Variants in NRIP1 observed in about 807,000 individuals in gnomAD.
NRIP1 encodes nuclear receptor-interacting protein 1.
A neutral mutation model predicts 75.0 loss-of-function variants in NRIP1; 28 were observed. The observed-to-expected ratio is 0.37, with a 90% CI of 0.28 to 0.51. The LOEUF (loss-of-function observed/expected upper bound fraction) is 0.51, where lower values mean the gene tolerates loss of function less well. Ranked by LOEUF, NRIP1 falls within the 20% of genes least tolerant of loss-of-function variation. The pLI, the probability that NRIP1 is intolerant of heterozygous loss-of-function variation, is 0.92. For missense variants in NRIP1, 1,435 were observed against 1,343.7 expected, an observed-to-expected ratio of 1.07 and a Z score of -1.06; for synonymous variants, 526 against 487.6, an observed-to-expected ratio of 1.08 and a Z score of -1.04.
chr21:14,969,882 A>G (rs773808679), intron 3 of NRIP1, among the ~76,000 whole-genome samples: 16 of 152,194 alleles, frequency 1.1e-4, no homozygotes, highest in Non-Finnish European at 1.9e-4. Context: ...CTGTGTAAGG[A>G]GTAGGATGAG....
intron 3 of NRIP1, among the ~76,000 whole-genome samples, chr21:14,972,816 C>T (rs1381047897): frequency 6.6e-6 from 1 of 152,150 alleles, no homozygotes; most frequent in East Asian, 1.9e-4. Flanking sequence ...AGATCCCTCA[C>T]ATGTGCAGTT....
intron 3 of NRIP1, among the ~76,000 whole-genome samples, chr21:14,985,410 G>C (rs1420566143): frequency 6.6e-6 from 1 of 152,142 alleles, no homozygotes; most frequent in Non-Finnish European, 1.5e-5. Flanking sequence ...CCTACAGAGA[G>C]TTCTGTGGGT....
intron 2 of NRIP1, among the ~76,000 whole-genome samples, chr21:15,037,036 CA>C (rs1600908371): frequency 6.6e-6 from 1 of 151,918 alleles, no homozygotes; most frequent in African/African-American, 2.4e-5. Flanking sequence ...AAATAATAAG[CA>C]AAATTTAAGC....
rs2086803283 is a variant in NRIP1 at position 14,967,971 on chromosome 21, C to T, written c.222G>A (p.Gln74=). The T allele has an allele frequency of 6.2e-7, 1 of 1,613,836 alleles. No individual in the cohort carries two copies. Among genetic ancestry groups the T allele is most frequent in the African/African-American group, 1.3e-5 (1 of 74,916 alleles). The change falls in exon 4 of 4, where the codon CAG becomes CAA. Residue 74 remains glutamine, a synonymous_variant. Transcript: ENST00000318948. ...NGPVLNTHTY[Q]GSGMLHLKKA... ...TTTTGAGGTGCAGCATGCCAGACCC[C>T]TGATATGTATGTGTATTGAGAACTG... is the stretch of plus-strand genomic sequence containing the variant.
chr21:15,008,386 G>A (rs925104313), intron 3 of NRIP1, among the ~76,000 whole-genome samples: 23 of 152,134 alleles, frequency 1.5e-4, no homozygotes, highest in Non-Finnish European at 3.2e-4. Context: ...TCTAGAGTTG[G>A]GCGAATCACC....
intron 2 of NRIP1, among the ~76,000 whole-genome samples, chr21:15,021,494 A>C (rs772345445): frequency 2.0e-5 from 3 of 152,218 alleles, no homozygotes; most frequent in Non-Finnish European, 4.4e-5. Flanking sequence ...TGGCTGCAAC[A>C]TCTGAGTGCA....
intron 1 of NRIP1, chr21:15,050,678 GTA>G (rs2089181766): frequency 2.2e-6 from 1 of 455,158 alleles, no homozygotes; most frequent in Admixed American, 2.4e-5. Context: ...ACATATGTGT[GTA>G]TTGTTTATGT....
chr21:14,982,003 C>A (rs1432748395), intron 3 of NRIP1, among the ~76,000 whole-genome samples: 1 of 152,022 alleles, frequency 6.6e-6, no homozygotes. Flanking sequence ...CAGGCACACA[C>A]CACCATGCCT....
At chr21:14,968,893 G>A (rs1273112822) in intron 3 of NRIP1, among the ~76,000 whole-genome samples, 2 of 152,088 alleles carry the variant, frequency 1.3e-5, no homozygotes, top group Non-Finnish European at 2.9e-5. Context: ...GCTCTACAGG[G>A]GAACTAGAAC....
chr21:14,998,621 T>A (rs561815232), intron 3 of NRIP1, among the ~76,000 whole-genome samples: 21 of 152,338 alleles, frequency 1.4e-4, no homozygotes, highest in Middle Eastern at 6.8e-3. Context: ...CTTCCATTTC[T>A]GCCAATCCTG....
rs2086800434 is a variant in NRIP1, at chr21:14,967,902, C to T, written c.291G>A (p.Lys97=). Residue 97 remains lysine, a synonymous_variant, in exon 4 of 4, where the codon AAG becomes AAA. Coordinates refer to ENST00000318948, the MANE Select transcript of NRIP1 (RefSeq NM_003489.4). ...TGATAGAATCAGACAGCCTCTTCCG[C>T]TTTGCTGCATTCCAGTCCTCAGAAG... is the stretch of plus-strand genomic sequence containing the variant. ...LQSSEDWNAA[K]RKRLSDSIMN... is the part of the protein sequence containing the mutation. The T allele has an allele frequency of 4.3e-6, 7 of 1,614,020 alleles. No individual in the cohort carries two copies. The highest frequency in any genetic ancestry group is 5.9e-6 in the Non-Finnish European group (7 of 1,180,028).
At chr21:14,983,054 T>G (rs1472688598) in intron 3 of NRIP1, among the ~76,000 whole-genome samples, 2 of 152,096 alleles carry the variant, frequency 1.3e-5, no homozygotes, top group South Asian at 4.1e-4. Flanking sequence ...ATATTGAAAT[T>G]AGATCAATTA....
chr21:14,982,366 T>TC (rs2087260845), intron 3 of NRIP1, among the ~76,000 whole-genome samples: 1 of 152,182 alleles, frequency 6.6e-6, no homozygotes, highest in African/African-American at 2.4e-5. Flanking sequence ...AACCTTCTGC[T>TC]TAGTGCCCTT....
intron 3 of NRIP1, among the ~76,000 whole-genome samples, chr21:14,977,561 T>A (rs1282173493): frequency 7.5e-6 from 1 of 133,300 alleles, no homozygotes; most frequent in Non-Finnish European, 1.7e-5. Flanking sequence ...CAACAGTGAA[T>A]CCTCTATTAT....
rs548951270 is a variant in NRIP1, at chr21:15,012,546, C to T, written c.-335+1798G>A. Among the ~76,000 whole-genome samples the T allele has an allele frequency of 9.6e-5, 14 of 145,980 alleles. 1 individual carries two copies. The South Asian group carries it at 2.8e-3, about 29-fold the overall frequency. On this transcript the variant is annotated intron_variant, in intron 3 of 3. Transcript: ENST00000318948. ...CTTGGCTCACTGCAACCCCGACTGC[C>T]GACTTAAGTGATTCTCCTGCCTCAG...
intron 3 of NRIP1, among the ~76,000 whole-genome samples, chr21:15,006,117 A>G (rs1292488053): frequency 6.6e-6 from 1 of 152,338 alleles, no homozygotes; most frequent in Middle Eastern, 3.4e-3. Context: ...GGAAAATTAC[A>G]TTATAGCATG....
At chr21:15,063,130 CA>C (rs905959203) in intron 1 of NRIP1, among the ~76,000 whole-genome samples, 1 of 152,078 alleles carries the variant, frequency 6.6e-6, no homozygotes, top group African/African-American at 2.4e-5. Context: ...CAGACTAGAA[CA>C]ACCAATCCTA....
chr21:14,999,779 G>T (rs989565209), intron 3 of NRIP1, among the ~76,000 whole-genome samples: 2 of 152,136 alleles, frequency 1.3e-5, no homozygotes. Context: ...TGAACTTAGG[G>T]AAGTATCACC....
At chr21:15,045,344 C>T (rs563479149) in intron 1 of NRIP1, among the ~76,000 whole-genome samples, 4 of 152,276 alleles carry the variant, frequency 2.6e-5, no homozygotes, top group Non-Finnish European at 5.9e-5. Flanking sequence ...GCAAATATCA[C>T]AATAAAGCAA....
Sources: gnomAD v4.1 joint callset for allele counts (sites outside exome capture counted in the v4.1 genomes callset) on GRCh38, gnomAD v4.1.1 for gene constraint, MANE v1.5 for transcripts, NCBI Gene and HGNC (gene_info 2026-07-23, HGNC 2026-07-21) for gene names.